Variants in MYT1L observed in about 807,000 individuals in gnomAD.
The protein encoded by MYT1L is myelin transcription factor 1-like protein.
MYT1L carries 12 observed loss-of-function variants against 126.7 expected under a neutral mutation model. That is an observed-to-expected ratio of 0.09 (90% CI 0.06 to 0.15). MYT1L has a LOEUF of 0.15. Among genes scored for constraint, MYT1L ranks in the 10% least tolerant of loss-of-function variants. MYT1L has a pLI of 1.00. For synonymous variants in MYT1L, 541 were observed against 604.2 expected, an observed-to-expected ratio of 0.90 and a Z score of 1.53; for missense variants, 979 against 1,585.2, an observed-to-expected ratio of 0.62 and a Z score of 6.49.
At chr2:2,311,627 A>G (rs1236268851) in intron 1 of MYT1L, among the ~76,000 whole-genome samples, 1 of 152,122 alleles carries the variant, frequency 6.6e-6, no homozygotes, top group South Asian at 2.1e-4. Context: ...GCATGCTTGG[A>G]GAGAAGGTCG....
chr2:2,312,002 C>T (rs1321333739), intron 1 of MYT1L, among the ~76,000 whole-genome samples: 1 of 152,158 alleles, frequency 6.6e-6, no homozygotes, highest in Admixed American at 6.5e-5. Context: ...GTGTGTGCAG[C>T]AATGCTGCTG....
At chr2:2,044,067 G>A (rs962605427) in intron 4 of MYT1L, among the ~76,000 whole-genome samples, 1 of 151,972 alleles carries the variant, frequency 6.6e-6, no homozygotes, top group African/African-American at 2.4e-5. Context: ...AGTTTTCTGG[G>A]TGAATGTTTT....
chr2:2,065,601 A>G (rs895020565), intron 3 of MYT1L, among the ~76,000 whole-genome samples: 1 of 152,112 alleles, frequency 6.6e-6, no homozygotes, highest in Admixed American at 6.5e-5. Flanking sequence ...AGATTCTACA[A>G]AGGGAGCACA....
intron 21 of MYT1L, among the ~76,000 whole-genome samples, chr2:1,822,438 G>T (rs1217029782): frequency 6.6e-6 from 1 of 152,200 alleles, no homozygotes; most frequent in African/African-American, 2.4e-5. Context: ...TGTGGGTTGG[G>T]TCTGTTTCCT....
chr2:1,821,932 G>A lies in MYT1L; in HGVS notation c.3081-12765C>T, dbSNP rs576506329. On this transcript the variant is annotated intron_variant, in intron 21 of 24. Coordinates refer to ENST00000647738, the MANE Select transcript of MYT1L (RefSeq NM_001303052.2). Reference sequence around the variant, plus strand: ...TTCTGTTCTAGCTTATCCTTCTGCCGGGGAGAAGGAGGCCTGTGGCAGGGC... The same window carrying A: ...TTCTGTTCTAGCTTATCCTTCTGCCAGGGAGAAGGAGGCCTGTGGCAGGGC... Among the ~76,000 whole-genome samples, 11 of 152,312 alleles carry A rather than the reference G, an allele frequency of 7.2e-5. No individual in the cohort carries two copies. In the South Asian group the frequency reaches 8.3e-4, roughly 11 times the overall value.
chr2:2,296,222 G>A (rs1338961644), intron 1 of MYT1L, among the ~76,000 whole-genome samples: 2 of 152,156 alleles, frequency 1.3e-5, no homozygotes, highest in East Asian at 3.9e-4. Context: ...CACTGCTCCT[G>A]AAACAAAAGC....
chr2:2,227,986 C>A (rs191843528), intron 2 of MYT1L, among the ~76,000 whole-genome samples: 28 of 152,342 alleles, frequency 1.8e-4, no homozygotes, highest in African/African-American at 6.7e-4. Flanking sequence ...TTAACTCCAT[C>A]TTGCAGTTGA....
chr2:1,905,415 A>G (rs1386968900), intron 13 of MYT1L, among the ~76,000 whole-genome samples: 1 of 151,364 alleles, frequency 6.6e-6, no homozygotes, highest in Non-Finnish European at 1.5e-5. Context: ...GTGCAATGGC[A>G]TGGTCTCGGC....
chr2:1,902,974 T>G (rs1008976617), intron 14 of MYT1L, 106 bp downstream of exon 14: 1 of 1,038,782 alleles, frequency 9.6e-7, no homozygotes, highest in Non-Finnish European at 1.5e-6. Flanking sequence ...TTGGTACCCA[T>G]TGAGTGACCA....
intron 14 of MYT1L, among the ~76,000 whole-genome samples, chr2:1,893,642 T>C (rs761557280): frequency 6.6e-6 from 1 of 152,224 alleles, no homozygotes; most frequent in Non-Finnish European, 1.5e-5. Context: ...CGGTGTCTTC[T>C]GTGCCATCGG....
At chr2:1,998,351 T>C (rs1038468427) in intron 4 of MYT1L, among the ~76,000 whole-genome samples, 2 of 152,208 alleles carry the variant, frequency 1.3e-5, no homozygotes, top group Non-Finnish European at 2.9e-5. Context: ...TTCTATGCAA[T>C]TCCTCATTAG....
rs1316416056 is a variant in MYT1L, at chr2:1,840,896, C to CTTTTTTTTTT, written c.2775-54_2775-53insAAAAAAAAAA. On this transcript the variant is annotated intron_variant, in intron 19 of 24. Transcript: ENST00000647738. ...ACCCCACACCGTTGATTTCAGTGAG[C>CTTTTTTTTTT]TTTCTTTCTTTTTTTTTTTTTTTTT... The CTTTTTTTTTT allele has an allele frequency of 1.5e-5, 14 of 962,512 alleles. 1 individual carries two copies. The African/African-American group carries it at 2.7e-4, about 18-fold the overall frequency. The allele number at this position is 962,512 out of a possible 1,614,324, so 59.6% of individuals were successfully genotyped here.
At chr2:1,804,775 A>G (rs1455913888) in intron 22 of MYT1L, among the ~76,000 whole-genome samples, 2 of 152,168 alleles carry the variant, frequency 1.3e-5, no homozygotes, top group African/African-American at 4.8e-5. Context: ...GAGTTCCCAC[A>G]GTTTGGAGCT....
chr2:2,156,347 CTA>C (rs1487800566), intron 3 of MYT1L, among the ~76,000 whole-genome samples: 5 of 152,154 alleles, frequency 3.3e-5, no homozygotes, highest in African/African-American at 1.2e-4. Flanking sequence ...GAAGCTGTGA[CTA>C]TATTAAACAA....
intron 4 of MYT1L, among the ~76,000 whole-genome samples, chr2:2,040,201 A>G (rs927856933): frequency 7.9e-5 from 12 of 152,150 alleles, no homozygotes; most frequent in African/African-American, 2.7e-4. Flanking sequence ...GAAACTAGTG[A>G]TGTGTCCTCA....
At chr2:2,262,094 T>G (rs2094982936) in intron 2 of MYT1L, among the ~76,000 whole-genome samples, 1 of 152,318 alleles carries the variant, frequency 6.6e-6, no homozygotes, top group South Asian at 2.1e-4. Flanking sequence ...TTTTTGTGTA[T>G]TTTTTACATT....
intron 4 of MYT1L, among the ~76,000 whole-genome samples, chr2:2,021,893 T>A (rs1443516422): frequency 6.6e-6 from 1 of 151,660 alleles, no homozygotes; most frequent in East Asian, 1.9e-4. Context: ...CGAGACTCCA[T>A]CTCAAAAAAC....
At chr2:2,079,933 C>T (rs1348524230) in intron 3 of MYT1L, among the ~76,000 whole-genome samples, 1 of 151,920 alleles carries the variant, frequency 6.6e-6, no homozygotes, top group East Asian at 1.9e-4. Flanking sequence ...AAATAAACAA[C>T]AAACAGTAAC....
chr2:2,239,929 T>C (rs2149129858), intron 2 of MYT1L, among the ~76,000 whole-genome samples: 1 of 152,314 alleles, frequency 6.6e-6, no homozygotes. Flanking sequence ...GAGTTTGTGT[T>C]CCTTTTGTGC....
Sources: allele counts gnomAD v4.1 joint callset (sites outside exome capture counted in the v4.1 genomes callset), GRCh38; gene constraint gnomAD v4.1.1; transcripts MANE v1.5; gene names NCBI Gene and HGNC (gene_info 2026-07-23, HGNC 2026-07-21).